Variants in UGGT2 observed in about 807,000 individuals in gnomAD.
UGGT2 encodes UDP-glucose glycoprotein glucosyltransferase 2, also known as UDP-glucose:glycoprotein glucosyltransferase 2.
In UGGT2, 180 loss-of-function variants were observed where a neutral mutation model predicts 192.1. That is an observed-to-expected ratio of 0.94 (90% CI 0.83 to 1.06). The LOEUF (loss-of-function observed/expected upper bound fraction) is 1.06, where lower values mean the gene tolerates loss of function less well. Among genes scored for constraint, UGGT2 ranks in the 50% least tolerant of loss-of-function variants. UGGT2 has a pLI of 0.00. For synonymous variants in UGGT2, 580 were observed against 591.0 expected, an observed-to-expected ratio of 0.98 and a Z score of 0.27; for missense variants, 1,849 against 1,795.7, an observed-to-expected ratio of 1.03 and a Z score of -0.54.
intron 5 of UGGT2, 152 bp from the exon 6 acceptor site, chr13:95,999,459 G>A (rs1467942375): frequency 1.2e-5 from 8 of 641,824 alleles, no homozygotes; most frequent in Non-Finnish European, 2.1e-5. Flanking sequence ...TGTTTATATT[G>A]TCTCTAGTCT....
At chr13:96,042,338 C>A (rs562143123) in intron 1 of UGGT2, among the ~76,000 whole-genome samples, 7 of 152,254 alleles carry the variant, frequency 4.6e-5, no homozygotes, top group African/African-American at 1.4e-4. Flanking sequence ...CAAGGGAACA[C>A]CTCTATGGGA....
rs148484394 is a variant in UGGT2 at position 95,905,786 on chromosome 13, T to C, written c.2296-2726A>G. On this transcript the variant is annotated intron_variant, in intron 20 of 38. Transcript: ENST00000376747. ...GATTGACTTGGTGATGCGGGCTCTT[T>C]TTTGGTTCCATATGAACTTTAAAGT... is the stretch of plus-strand genomic sequence containing the variant. Among the ~76,000 whole-genome samples, 25 of 152,322 alleles carry C rather than the reference T, an allele frequency of 1.6e-4. No homozygotes were observed. In the East Asian group the frequency reaches 4.4e-3, roughly 27 times the overall value.
intron 36 of UGGT2, among the ~76,000 whole-genome samples, chr13:95,845,415 A>G (rs1888308350): frequency 7.8e-6 from 1 of 128,232 alleles, no homozygotes; most frequent in African/African-American, 2.8e-5. Context: ...AACAAAGCAC[A>G]TCTTGCACCG....
chr13:95,976,168 G>A (rs2050931702), intron 10 of UGGT2, among the ~76,000 whole-genome samples: 1 of 152,098 alleles, frequency 6.6e-6, no homozygotes, highest in South Asian at 2.1e-4. Flanking sequence ...TCTCACATAT[G>A]AGTAATAACT....
At chr13:95,991,464 A>G (rs2051455944) in intron 7 of UGGT2, 1 of 455,008 alleles carries the variant, frequency 2.2e-6, no homozygotes, top group East Asian at 6.9e-5. Flanking sequence ...TCAATAGTCA[A>G]TAGACAAGCC....
At chr13:95,913,407 C>A (rs1275130309) in intron 20 of UGGT2, among the ~76,000 whole-genome samples, 2 of 152,128 alleles carry the variant, frequency 1.3e-5, no homozygotes, top group African/African-American at 2.4e-5. Flanking sequence ...AAACAAACAA[C>A]CCCATCAAAA....
At chr13:95,933,096 A>C (rs2049342241) in intron 17 of UGGT2, among the ~76,000 whole-genome samples, 1 of 152,178 alleles carries the variant, frequency 6.6e-6, no homozygotes, top group Non-Finnish European at 1.5e-5. Flanking sequence ...GTTTTGCAGA[A>C]TGAGTTAGGG....
At chr13:95,914,205 C>A (rs1335413224) in intron 20 of UGGT2, among the ~76,000 whole-genome samples, 1 of 151,122 alleles carries the variant, frequency 6.6e-6, no homozygotes, top group Non-Finnish European at 1.5e-5. Flanking sequence ...ATGTATCAAA[C>A]CTGCATGTTG....
chr13:95,958,832 C>T (rs1197735157), intron 12 of UGGT2, among the ~76,000 whole-genome samples: 2 of 152,034 alleles, frequency 1.3e-5, no homozygotes, highest in Non-Finnish European at 2.9e-5. Context: ...AGAGAGGTTC[C>T]CTAATGCAAG....
At chr13:95,932,067 AT>A (rs1425054299) in intron 17 of UGGT2, among the ~76,000 whole-genome samples, 1 of 152,180 alleles carries the variant, frequency 6.6e-6, no homozygotes, top group African/African-American at 2.4e-5. Flanking sequence ...TTCCATATTA[AT>A]TTTAGAATAG....
At chr13:95,920,559 T>A (rs1298870030) in intron 20 of UGGT2, among the ~76,000 whole-genome samples, 1 of 152,028 alleles carries the variant, frequency 6.6e-6, no homozygotes, top group Admixed American at 6.6e-5. Context: ...CAAAAGAAGA[T>A]ATACATGTGG....
chr13:95,926,755 T>C (rs1174749430), intron 19 of UGGT2, among the ~76,000 whole-genome samples: 2 of 152,192 alleles, frequency 1.3e-5, no homozygotes, highest in Non-Finnish European at 2.9e-5. Flanking sequence ...CATTATAAGA[T>C]AGTTTACATA....
chr13:96,038,693 C>G (rs1246784738), intron 1 of UGGT2, among the ~76,000 whole-genome samples: 1 of 152,118 alleles, frequency 6.6e-6, no homozygotes, highest in Non-Finnish European at 1.5e-5. Context: ...GCAAAAGATT[C>G]TAAAAGCTGC....
rs572173196 is a variant in UGGT2, at chr13:95,824,491, G to T, written c.4528+8436C>A. 2.1e-4 allele frequency among the ~76,000 whole-genome samples: 31 copies of T among 150,588 alleles called. 1 individual carries two copies. The South Asian group carries it at 2.3e-3, about 11-fold the overall frequency. On this transcript the variant is annotated intron_variant, in intron 38 of 38. Transcript: ENST00000376747. ...CTTAAAGACTTTCTTCATTTCTTTT[G>T]ATTCCTTTTTATCTTTGTCTTATTG... is the stretch of plus-strand genomic sequence containing the variant.
At chr13:95,847,633 T>G (rs948925142) in intron 36 of UGGT2, among the ~76,000 whole-genome samples, 1 of 152,242 alleles carries the variant, frequency 6.6e-6, no homozygotes, top group Admixed American at 6.5e-5. Context: ...CATGGCTTAA[T>G]AGCTCATTTC....
At chr13:95,803,076 C>T (rs576699159) in intron 38 of UGGT2, among the ~76,000 whole-genome samples, 107 of 152,160 alleles carry the variant, frequency 7.0e-4, no homozygotes, top group African/African-American at 2.0e-3. Flanking sequence ...CCTCGTGATC[C>T]GCCCGTCTTG....
At chr13:96,041,136 CT>C in intron 1 of UGGT2, among the ~76,000 whole-genome samples, 1 of 152,266 alleles carries the variant, frequency 6.6e-6, no homozygotes, top group East Asian at 1.9e-4. Flanking sequence ...TGAATTGCTC[CT>C]GTAGGACCTG....
intron 11 of UGGT2, among the ~76,000 whole-genome samples, chr13:95,972,058 T>C (rs2050788607): frequency 6.6e-6 from 1 of 152,172 alleles, no homozygotes; most frequent in Non-Finnish European, 1.5e-5. Context: ...ACTGTAATTT[T>C]GGGTGAGTGA....
intron 25 of UGGT2, 130 bp downstream of exon 25, chr13:95,890,732 A>AT: frequency 1.4e-6 from 1 of 730,540 alleles, no homozygotes; most frequent in Non-Finnish European, 2.3e-6. Context: ...CATTTTCTAC[A>AT]TTGAAATATG....
Sources: allele counts gnomAD v4.1 joint callset (sites outside exome capture counted in the v4.1 genomes callset), GRCh38; gene constraint gnomAD v4.1.1; transcripts MANE v1.5; gene names NCBI Gene and HGNC (gene_info 2026-07-23, HGNC 2026-07-21).